Variants in PTK7 observed in about 807,000 individuals in gnomAD.
PTK7 encodes the protein protein tyrosine kinase 7 (inactive), also known as inactive tyrosine-protein kinase 7.
PTK7 carries 39 observed loss-of-function variants against 116.6 expected under a neutral mutation model. That is an observed-to-expected ratio of 0.33 (90% CI 0.26 to 0.44). The LOEUF (loss-of-function observed/expected upper bound fraction) is 0.44. Among genes scored for constraint, PTK7 ranks in the 20% least tolerant of loss-of-function variants. PTK7 has a pLI of 1.00. For missense variants in PTK7, 1,169 were observed against 1,425.6 expected (o/e 0.82, Z 2.90); for synonymous variants, 546 against 563.6 (o/e 0.97, Z 0.44).
At chr6:43,151,624 C>T (rs1471387101) in intron 17 of PTK7, among the ~76,000 whole-genome samples, 3 of 150,644 alleles carry the variant, frequency 2.0e-5, no homozygotes, top group African/African-American at 7.3e-5. Flanking sequence ...CTCCGCCTCC[C>T]GGGTTGACGC....
At chr6:43,146,516 C>T in intron 16 of PTK7, 102 bp from the exon 17 acceptor site, 2 of 1,123,100 alleles carry the variant, frequency 1.8e-6, no homozygotes, top group Admixed American at 1.8e-5. Context: ...GGCCTTCTCA[C>T]TGCCTCCCCA....
chr6:43,120,581 C>A (rs1395499725), intron 1 of PTK7, among the ~76,000 whole-genome samples: 5 of 152,218 alleles, frequency 3.3e-5, no homozygotes, highest in Non-Finnish European at 7.3e-5. Flanking sequence ...CCTCCCAGGC[C>A]TGGTGCTGCA....
Position 43,129,038 on chromosome 6 carries a change from C to T in PTK7, c.141C>T (p.Arg47=). ...QPSSQDALQG[R]RALLRCEVEA... is the part of the protein sequence containing the mutation. ...CCTCCCAGGATGCACTGCAGGGGCG[C>T]CGGGCGCTGCTTCGCTGTGAGGTTG... Residue 47 remains arginine, a synonymous_variant, in exon 2 of 20, where the codon CGC becomes CGT. Transcript: ENST00000230419. The surrounding 1 kb of genome is among the most constrained non-coding windows in gnomAD (Gnocchi z 4.5). 1 of 1,614,152 alleles carries T rather than the reference C, an allele frequency of 6.2e-7. No homozygotes were observed. Among genetic ancestry groups the T allele is most frequent in the Non-Finnish European group, 8.5e-7 (1 of 1,180,020 alleles).
intron 1 of PTK7, among the ~76,000 whole-genome samples, chr6:43,081,148 C>T (rs1766354079): frequency 6.6e-6 from 1 of 152,176 alleles, no homozygotes; most frequent in Non-Finnish European, 1.5e-5. Context: ...TCCTTCGGGC[C>T]AGTCCCCGGT....
chr6:43,116,548 C>T (rs73733801), intron 1 of PTK7, among the ~76,000 whole-genome samples: 2,929 of 151,666 alleles, frequency 0.019, 94 homozygotes, highest in African/African-American at 0.066. Flanking sequence ...CGAGGTCCAG[C>T]CTCTAGTGAA....
rs927656068 is a variant in PTK7, at chr6:43,141,911, G to A, written c.1769-20G>A. 1.6e-5 allele frequency: 26 copies of A among 1,596,740 alleles called. No individual in the cohort carries two copies. The highest frequency in any genetic ancestry group is 2.1e-5 in the Non-Finnish European group (25 of 1,169,386). On this transcript the variant is annotated intron_variant, in intron 11 of 19. Coordinates refer to ENST00000230419, the MANE Select transcript of PTK7 (RefSeq NM_002821.5). This position sits in a 1 kb window ranked among gnomAD's most constrained non-coding sequence, Gnocchi z 4.9. ...CTTGGCTTACCCCTCCCTGCGCCTC[G>A]CTGGTCTCTTTTCTTCCAGTTTTTA...
chr6:43,108,904 C>G (rs1768043164), intron 1 of PTK7, among the ~76,000 whole-genome samples: 1 of 152,180 alleles, frequency 6.6e-6, no homozygotes. Context: ...CTGGAAACTT[C>G]TATAAACACC....
Position 43,076,747 on chromosome 6 carries a change from C to T in PTK7, c.79+180C>T. 1 of 1,380,504 alleles carries T rather than the reference C, an allele frequency of 7.2e-7. No homozygotes were observed. Among genetic ancestry groups the T allele is most frequent in the South Asian group, 1.6e-5 (1 of 62,452 alleles). 85.5% of individuals were successfully genotyped at this position (1,380,504 alleles called of 1,614,324 possible). A position where few individuals can be genotyped will look rare whatever the true frequency, so the allele number is the denominator to read the frequency against. On this transcript the variant is annotated intron_variant, in intron 1 of 19. Transcript: ENST00000230419. The surrounding 1 kb of genome is among the most constrained non-coding windows in gnomAD (Gnocchi z 5.7). Reference sequence around the variant, plus strand: ...AGGAGCCCGGGTGTCGGGAGGCTGGCGAAGCCTCCAGGGACGCGGTCAGGG... The same window carrying T: ...AGGAGCCCGGGTGTCGGGAGGCTGGTGAAGCCTCCAGGGACGCGGTCAGGG...
intron 14 of PTK7, 96 bp from the exon 15 acceptor site, chr6:43,144,355 T>C (rs1338941715): frequency 6.6e-6 from 10 of 1,505,018 alleles, no homozygotes; most frequent in South Asian, 2.4e-5. Flanking sequence ...TGGACCCAAG[T>C]TGGCAAGAGT....
At position 43,116,000 on chromosome 6, in the gene PTK7, G is replaced by A. The variant is rs543851716; in HGVS notation, c.80-12977G>A. Among the ~76,000 whole-genome samples, 316 of 150,022 alleles carry A rather than the reference G, an allele frequency of 2.1e-3. 1 individual carries two copies. The highest frequency in any genetic ancestry group is 3.9e-3 in the Admixed American group (58 of 15,048). On this transcript the variant is annotated intron_variant, in intron 1 of 19. Coordinates refer to ENST00000230419, the MANE Select transcript of PTK7 (RefSeq NM_002821.5). ...TCCCATGCCCCTCTCCCATGGGCCT[G>A]GGTCCAGGAGTGTACCCTTGCCCCT...
At chr6:43,124,708 G>A (rs116580032) in intron 1 of PTK7, among the ~76,000 whole-genome samples, 228 of 152,202 alleles carry the variant, frequency 1.5e-3, no homozygotes, top group African/African-American at 5.2e-3. Flanking sequence ...ACAGGCCAAC[G>A]TCCCCCGCTG....
At position 43,104,808 on chromosome 6, in the gene PTK7, C is replaced by CTTT. The variant is rs35126838; in HGVS notation, c.80-24149_80-24147dup. On this transcript the variant is annotated intron_variant, in intron 1 of 19. Transcript: ENST00000230419. ...GTTAAGAAAGCGTAAATTAGCACAA[C>CTTT]TTTTTTTTTTTTTTTTTTTTTTGAG... 5.3e-3 allele frequency among the ~76,000 whole-genome samples: 543 copies of CTTT among 102,820 alleles called. 14 individuals carry two copies. The highest frequency in any genetic ancestry group is 0.012 in the African/African-American group (306 of 25,186). 67.5% of individuals were successfully genotyped at this position (102,820 alleles called of 152,430 possible). A position where few individuals can be genotyped will look rare whatever the true frequency, so the allele number is the denominator to read the frequency against.
chr6:43,128,903 G>A, intron 1 of PTK7, 74 bp from the exon 2 acceptor site: 1 of 1,476,302 alleles, frequency 6.8e-7, no homozygotes, highest in Non-Finnish European at 9.2e-7. Flanking sequence ...TTCCTCCTGT[G>A]CACAAGGTGG....
intron 1 of PTK7, among the ~76,000 whole-genome samples, chr6:43,109,995 G>A (rs991615251): frequency 1.8e-4 from 24 of 132,488 alleles, no homozygotes; most frequent in East Asian, 7.3e-4. Flanking sequence ...ACCATGCCCG[G>A]CCTTTTTTTT....
In PTK7 at chr6:43,150,817, C is replaced by CTT. The variant is rs1491384182; in HGVS notation, c.2721+4119_2721+4120insTT. ...TTTTTTTTTTTTTTTTTTTTTTTTTCCCGAGACAGAGTCTCGCTCTGTCTC... is the reference window on the plus strand; with the variant it reads ...TTTTTTTTTTTTTTTTTTTTTTTTTCTTCCGAGACAGAGTCTCGCTCTGTCTC... On this transcript the variant is annotated intron_variant, in intron 17 of 19. Coordinates refer to ENST00000230419, the MANE Select transcript of PTK7 (RefSeq NM_002821.5). Among the ~76,000 whole-genome samples the CTT allele has an allele frequency of 8.3e-5, 3 of 36,142 alleles. No homozygotes were observed. In the Admixed American group the frequency reaches 1.0e-3, roughly 12 times the overall value. The allele number at this position is 36,142 out of a possible 152,430, so 23.7% of individuals were successfully genotyped here.
Position 43,141,633 on chromosome 6 carries a change from A to G in PTK7, c.1619-35A>G. Reference sequence around the variant, plus strand: ...ATTGCCAGCTGTCTGTGTAACCCTGATCCTTCCCATAATTTCCCTTTGTTA... The same window carrying G: ...ATTGCCAGCTGTCTGTGTAACCCTGGTCCTTCCCATAATTTCCCTTTGTTA... On this transcript the variant is annotated intron_variant, in intron 10 of 19. Coordinates refer to ENST00000230419, the MANE Select transcript of PTK7 (RefSeq NM_002821.5). The surrounding 1 kb of genome is among the most constrained non-coding windows in gnomAD (Gnocchi z 4.9). 1 of 1,607,398 alleles carries G rather than the reference A, an allele frequency of 6.2e-7. No individual in the cohort carries two copies. Among genetic ancestry groups the G allele is most frequent in the Non-Finnish European group, 8.5e-7 (1 of 1,175,480 alleles).
rs527823481 is a variant in PTK7, at chr6:43,126,243, C to A, written c.80-2734C>A. On this transcript the variant is annotated intron_variant, in intron 1 of 19. Coordinates refer to ENST00000230419, the MANE Select transcript of PTK7 (RefSeq NM_002821.5). ...GCTAAGGCATGAGAATCGCTTAAAT[C>A]CGAGAGGTGGAGGTTGCAGTGAGCC... Among the ~76,000 whole-genome samples the A allele has an allele frequency of 2.8e-4, 42 of 152,198 alleles. No individual in the cohort carries two copies. The East Asian group carries it at 7.5e-3, about 27-fold the overall frequency.
intron 1 of PTK7, among the ~76,000 whole-genome samples, chr6:43,080,596 C>T (rs1766322062): frequency 6.6e-6 from 1 of 152,294 alleles, no homozygotes; most frequent in African/African-American, 2.4e-5. Flanking sequence ...AACCTCTTAG[C>T]TTCTCAGCCT....
intron 17 of PTK7, among the ~76,000 whole-genome samples, chr6:43,148,819 G>A (rs1770875826): frequency 6.6e-6 from 1 of 152,016 alleles, no homozygotes; most frequent in Non-Finnish European, 1.5e-5. Flanking sequence ...CCAGCACTTT[G>A]GGAGGCCGAG....
Sources: gnomAD v4.1 joint callset for allele counts (sites outside exome capture counted in the v4.1 genomes callset) on GRCh38, gnomAD v4.1.1 for gene constraint, Gnocchi (gnomAD v3.1) non-coding constraint, MANE v1.5 for transcripts, NCBI Gene and HGNC (gene_info 2026-07-23, HGNC 2026-07-21) for gene names.